The following NR4A1 variants were observed in gnomAD, a reference collection of about 807,000 sequenced individuals.
NR4A1 encodes the protein nuclear receptor subfamily 4 group A member 1, also known as nuclear receptor subfamily 4immunitygroup A member 1.
A neutral mutation model predicts 47.5 loss-of-function variants in NR4A1; 24 were observed. That is an observed-to-expected ratio of 0.50 (90% CI 0.37 to 0.71). NR4A1 has a LOEUF of 0.71. Ranked by LOEUF, NR4A1 falls within the 30% of genes least tolerant of loss-of-function variation. NR4A1 has a pLI of 0.00. For missense variants in NR4A1, 669 were observed against 788.6 expected (o/e 0.85, Z 1.82); for synonymous variants, 353 against 345.7 (o/e 1.02, Z -0.24).
chr12:52,033,452 A>C lies in NR4A1; in HGVS notation c.-83-8358A>C, dbSNP rs535301303. Among the ~76,000 whole-genome samples the C allele has an allele frequency of 8.9e-4, 135 of 152,376 alleles. 1 individual carries two copies. The highest frequency in any genetic ancestry group is 1.7e-3 in the Non-Finnish European group (115 of 68,038). ...GTTTGATTTTGTAATTTAACAAATAAAATTGCAGAGGATTTTTAAGAGCCC... is the reference window on the plus strand; with the variant it reads ...GTTTGATTTTGTAATTTAACAAATACAATTGCAGAGGATTTTTAAGAGCCC... On this transcript the variant is annotated intron_variant, in intron 1 of 7. Transcript: ENST00000360284.
intron 1 of NR4A1, among the ~76,000 whole-genome samples, chr12:52,033,096 G>C (rs961136940): frequency 6.6e-6 from 1 of 152,228 alleles, no homozygotes; most frequent in Non-Finnish European, 1.5e-5. Flanking sequence ...GCGCCGCCGG[G>C]TGAGGTAATG....
chr12:52,038,860 T>G lies in NR4A1; in HGVS notation c.-83-2950T>G, dbSNP rs925820687. On this transcript the variant is annotated intron_variant, in intron 1 of 7. Coordinates refer to the NR4A1 transcript ENST00000360284. ...AGTCAGCTGAGGAGTTCAGGCCCTG[T>G]GCCTGGCTCAAAGGCCCAGGGACCC... 4 of 679,450 alleles carry G rather than the reference T, an allele frequency of 5.9e-6. No homozygotes were observed. In the East Asian group the frequency reaches 1.1e-4, roughly 18 times the overall value. The allele number at this position is 679,450 out of a possible 1,614,324, so 42.1% of individuals were successfully genotyped here.
chr12:52,026,943 G>A (rs1459543268), intron 1 of NR4A1, among the ~76,000 whole-genome samples: 1 of 152,198 alleles, frequency 6.6e-6, no homozygotes, highest in African/African-American at 2.4e-5. Context: ...TGATGGGGTT[G>A]AGGAAGAGGC....
upstream of NR4A1, among the ~76,000 whole-genome samples, chr12:52,050,170 G>A (rs1592297693): frequency 1.3e-5 from 2 of 152,314 alleles, no homozygotes; most frequent in African/African-American, 2.4e-5. Flanking sequence ...AGGGTGGAAG[G>A]GTGACGGCCA....
At chr12:52,058,332 T>C in intron 6 of NR4A1, 1 of 255,850 alleles carries the variant, frequency 3.9e-6, no homozygotes, top group Non-Finnish European at 7.4e-6. Context: ...AGAGGTACTC[T>C]GGGCTGAGGG....
At chr12:52,030,225 G>A (rs1003651188) in intron 1 of NR4A1, among the ~76,000 whole-genome samples, 1 of 152,122 alleles carries the variant, frequency 6.6e-6, no homozygotes, top group African/African-American at 2.4e-5. Flanking sequence ...AACTCTCTGA[G>A]GCGGGGGTCC....
chr12:52,056,336 T>C, intron 3 of NR4A1, 158 bp from the exon 4 acceptor site: 1 of 1,354,866 alleles, frequency 7.4e-7, no homozygotes, highest in Non-Finnish European at 1.0e-6. Context: ...ATTGTGAGGG[T>C]GGTGGCAGGG....
chr12:52,055,238 G>A, intron 2 of NR4A1, 34 bp downstream of exon 2: 1 of 1,605,056 alleles, frequency 6.2e-7, no homozygotes, highest in Non-Finnish European at 8.5e-7. Context: ...CCTTTTGTTG[G>A]AAATGGAGAG....
intron 4 of NR4A1, 74 bp downstream of exon 4, chr12:52,056,719 C>CT (rs1488743787): frequency 5.0e-6 from 7 of 1,410,474 alleles, no homozygotes; most frequent in Non-Finnish European, 5.7e-6. Context: ...GTTAGGAGAG[C>CT]TACCCCCTCT....
chr12:52,048,558 C>T (rs1002989485), upstream of NR4A1, among the ~76,000 whole-genome samples: 1 of 152,194 alleles, frequency 6.6e-6, no homozygotes, highest in Non-Finnish European at 1.5e-5. Flanking sequence ...AGTGCCACTG[C>T]ACTCCAGCCT....
upstream of NR4A1, among the ~76,000 whole-genome samples, chr12:52,047,421 C>G (rs1352458769): frequency 6.6e-6 from 1 of 152,264 alleles, no homozygotes; most frequent in East Asian, 1.9e-4. Context: ...TCGCCTTTAT[C>G]TTAGGCTAGG....
upstream of NR4A1, among the ~76,000 whole-genome samples, chr12:52,050,833 C>T (rs991399378): frequency 1.3e-5 from 2 of 152,196 alleles, no homozygotes; most frequent in African/African-American, 4.8e-5. Context: ...AGGGTGTGTC[C>T]GAATTGCCCG....
Position 52,054,943 on chromosome 12 carries a change from C to A in NR4A1, c.615C>A (p.Ser205Arg). 6.2e-7 allele frequency: 1 copy of A among 1,614,170 alleles called. No individual in the cohort carries two copies. Among genetic ancestry groups the A allele is most frequent in the Non-Finnish European group, 8.5e-7 (1 of 1,180,030 alleles). Reference sequence around the variant, plus strand: ...GCCCCAGCCCCAGCCTGGCCCAGAGCCCCCTGAAGTTGTTCCCCTCACAGG... The same window carrying A: ...GCCCCAGCCCCAGCCTGGCCCAGAGACCCCTGAAGTTGTTCCCCTCACAGG... ...PTGPSPSLAQ[S>R]PLKLFPSQAT... is the part of the protein sequence containing the mutation. The change falls in exon 2 of 7, where the codon AGC (serine) becomes AGA (arginine). Residue 205 changes from serine (S) to arginine (R), a missense_variant. Physicochemically the swap from Ser to Arg is moderately radical, Grantham distance 110 (BLOSUM62 -1). Coordinates refer to ENST00000394825, the MANE Select transcript of NR4A1 (RefSeq NM_173157.3).
At chr12:52,036,673 C>T (rs79581827) in intron 1 of NR4A1, among the ~76,000 whole-genome samples, 5 of 152,212 alleles carry the variant, frequency 3.3e-5, no homozygotes, top group Non-Finnish European at 7.3e-5. Flanking sequence ...GCTGCCTTCT[C>T]GTGTGGAAGC....
intron 1 of NR4A1, among the ~76,000 whole-genome samples, chr12:52,034,412 G>A (rs1938194014): frequency 1.3e-5 from 2 of 152,240 alleles, no homozygotes; most frequent in African/African-American, 2.4e-5. Flanking sequence ...CTCCCACAAT[G>A]TGGGGCGTCA....
intron 1 of NR4A1, chr12:52,054,050 T>G (rs1307895569): frequency 3.5e-5 from 16 of 460,228 alleles, no homozygotes; most frequent in African/African-American, 1.8e-4. Flanking sequence ...GCTGTATGCC[T>G]CCCCTAGGGT....
chr12:52,034,809 G>C (rs1047151356), intron 1 of NR4A1, among the ~76,000 whole-genome samples: 1 of 152,316 alleles, frequency 6.6e-6, no homozygotes, highest in Middle Eastern at 3.4e-3. Context: ...CAAAGCTAGG[G>C]TAAGCACCTT....
upstream of NR4A1, among the ~76,000 whole-genome samples, chr12:52,048,469 C>T (rs1938763037): frequency 6.6e-6 from 1 of 152,028 alleles, no homozygotes; most frequent in Admixed American, 6.6e-5. Context: ...TGGCAGGCAC[C>T]TGTAGTCCCA....
chr12:52,054,679 C>T lies in NR4A1; in HGVS notation c.351C>T (p.Ser117=), dbSNP rs746555677. ...QVYGCYPGPL[S]GPVDEALSSS... ...ACGGCTGCTACCCCGGCCCCCTGAG[C>T]GGCCCAGTGGATGAGGCCCTGTCCT... Residue 117 remains serine, a synonymous_variant, in exon 2 of 7, where the codon AGC becomes AGT. Coordinates refer to ENST00000394825, the MANE Select transcript of NR4A1 (RefSeq NM_173157.3). 4.5e-5 allele frequency: 73 copies of T among 1,613,860 alleles called. No individual in the cohort carries two copies. The highest frequency in any genetic ancestry group is 4.3e-4 in the African/African-American group (32 of 74,932).
Sources: gnomAD v4.1 joint callset for allele counts (sites outside exome capture counted in the v4.1 genomes callset) on GRCh38, gnomAD v4.1.1 for gene constraint, MANE v1.5 for transcripts, NCBI Gene and HGNC (gene_info 2026-07-23, HGNC 2026-07-21) for gene names.